NFIB: variants seen among roughly 807,000 people sequenced by gnomAD.
The protein encoded by NFIB is nuclear factor 1 B-type.
In NFIB, 11 loss-of-function variants were observed where a neutral mutation model predicts 61.5. The observed-to-expected ratio is 0.18, with a 90% CI of 0.11 to 0.30. The LOEUF is 0.30. NFIB is among the 10% of genes least tolerant of loss of function. The pLI, the probability that NFIB is intolerant of heterozygous loss-of-function variation, is 1.00. For missense variants in NFIB, 471 were observed against 608.9 expected (o/e 0.77, Z 2.38); for synonymous variants, 260 against 216.5 (o/e 1.20, Z -1.76).
intron 3 of NFIB, among the ~76,000 whole-genome samples, chr9:14,163,653 A>G (rs1354129033): frequency 6.6e-6 from 1 of 152,110 alleles, no homozygotes; most frequent in East Asian, 1.9e-4. Flanking sequence ...TTTATAAAAA[A>G]TAAAGTCACA....
the NFIB span, among the ~76,000 whole-genome samples, chr9:14,529,465 A>G: frequency 1.3e-5 from 2 of 152,188 alleles, no homozygotes; most frequent in Non-Finnish European, 2.9e-5. Flanking sequence ...TGAGAGAAGA[A>G]TCACAATAAA....
At chr9:14,240,651 C>A (rs1027414580) in intron 2 of NFIB, among the ~76,000 whole-genome samples, 10 of 152,106 alleles carry the variant, frequency 6.6e-5, no homozygotes, top group African/African-American at 2.4e-4. Context: ...TAGTAACAGC[C>A]CTATCTCGTT....
chr9:14,505,684 G>A, the NFIB span, among the ~76,000 whole-genome samples: 15 of 152,134 alleles, frequency 9.9e-5, no homozygotes, highest in Non-Finnish European at 2.9e-5. Flanking sequence ...GACTTGGTAG[G>A]GAGAAGGGTG....
intron 3 of NFIB, among the ~76,000 whole-genome samples, chr9:14,162,791 T>A (rs1006963919): frequency 3.9e-5 from 6 of 152,114 alleles, no homozygotes; most frequent in African/African-American, 1.4e-4. Context: ...ATAAATTTTA[T>A]TATATATTTT....
chr9:14,399,788 G>A (rs903027346), upstream of NFIB, among the ~76,000 whole-genome samples: 3 of 152,108 alleles, frequency 2.0e-5, no homozygotes, highest in African/African-American at 7.2e-5. Context: ...ATATCTTCTA[G>A]GTTGTATTGC....
upstream of NFIB, among the ~76,000 whole-genome samples, chr9:14,402,892 TTG>T (rs2061756096): frequency 2.0e-5 from 3 of 152,248 alleles, no homozygotes; most frequent in African/African-American, 7.2e-5. Flanking sequence ...AGCAATTAGC[TTG>T]TCTTTCATCT....
the NFIB span, among the ~76,000 whole-genome samples, chr9:14,502,023 G>T: frequency 1.3e-5 from 2 of 152,182 alleles, no homozygotes; most frequent in African/African-American, 4.8e-5. Flanking sequence ...TGGAAGTTTT[G>T]ATATTAGATA....
At chr9:14,230,411 A>T (rs1401654874) in intron 2 of NFIB, among the ~76,000 whole-genome samples, 3 of 152,184 alleles carry the variant, frequency 2.0e-5, no homozygotes, top group African/African-American at 7.2e-5. Context: ...AAACTTAGAG[A>T]GCAACAGAAA....
At chr9:14,453,944 G>A in the NFIB span, among the ~76,000 whole-genome samples, 8 of 152,138 alleles carry the variant, frequency 5.3e-5, no homozygotes, top group South Asian at 1.0e-3. Context: ...AGCTGGGCAC[G>A]GTGGGCACCT....
the NFIB span, among the ~76,000 whole-genome samples, chr9:14,440,374 G>C: frequency 6.6e-6 from 1 of 152,184 alleles, no homozygotes; most frequent in African/African-American, 2.4e-5. Context: ...ACCAATCGAA[G>C]GGCTCTTTAA....
At chr9:14,516,020 G>A in the NFIB span, among the ~76,000 whole-genome samples, 2 of 152,252 alleles carry the variant, frequency 1.3e-5, no homozygotes, top group Admixed American at 6.5e-5. Flanking sequence ...GTCAGAGGGA[G>A]AAGCCAAAGC....
At chr9:14,197,064 T>C (rs566436742) in intron 2 of NFIB, among the ~76,000 whole-genome samples, 7 of 152,338 alleles carry the variant, frequency 4.6e-5, no homozygotes, top group African/African-American at 1.7e-4. Flanking sequence ...ATGATAAAGA[T>C]AGCAAGAATA....
chr9:14,378,710 T>C (rs921730813), intron 1 of NFIB, among the ~76,000 whole-genome samples: 2 of 152,160 alleles, frequency 1.3e-5, no homozygotes, highest in African/African-American at 4.8e-5. Context: ...TTTGTTTAGG[T>C]GAACAGGCAT....
rs751396666 is a variant in NFIB, at chr9:14,374,939, GAATT to G, written c.108+23581_108+23584del. Reference sequence around the variant, plus strand: ...TAAATAAATAAATAAATAAATAAAGGAATTAATTAAAAACAAAACAAAAAGCAGG... The same window carrying G: ...TAAATAAATAAATAAATAAATAAAGGAATTAAAAACAAAACAAAAAGCAGG... On this transcript the variant is annotated intron_variant, in intron 1 of 8. Transcript: ENST00000380934. Among the ~76,000 whole-genome samples, 77 of 151,660 alleles carry G rather than the reference GAATT, an allele frequency of 5.1e-4. 2 individuals are homozygous for G. The East Asian group carries it at 5.4e-3, about 11-fold the overall frequency.
intron 2 of NFIB, among the ~76,000 whole-genome samples, chr9:14,245,864 C>T (rs185352795): frequency 9.9e-5 from 15 of 152,084 alleles, no homozygotes; most frequent in Admixed American, 3.3e-4. Flanking sequence ...CAGAGCGAGA[C>T]TCTGTCTCGA....
intron 1 of NFIB, among the ~76,000 whole-genome samples, chr9:14,320,252 C>G (rs1310774308): frequency 2.0e-5 from 3 of 152,198 alleles, no homozygotes; most frequent in Non-Finnish European, 4.4e-5. Flanking sequence ...CAATACTTGG[C>G]TTTAAAATTC....
chr9:14,330,188 G>A (rs1275777194), intron 1 of NFIB, among the ~76,000 whole-genome samples: 1 of 152,134 alleles, frequency 6.6e-6, no homozygotes, highest in Non-Finnish European at 1.5e-5. Context: ...ATGCAAGTGA[G>A]GGAGGATGAT....
intron 3 of NFIB, among the ~76,000 whole-genome samples, chr9:14,166,516 A>T (rs1224901314): frequency 1.3e-5 from 2 of 152,206 alleles, no homozygotes; most frequent in Non-Finnish European, 2.9e-5. Flanking sequence ...TTCATCCACG[A>T]AATGTAAAAA....
intron 1 of NFIB, chr9:14,362,668 G>A (rs2061253919): frequency 6.6e-6 from 1 of 152,184 alleles, no homozygotes; most frequent in Admixed American, 6.6e-5. Context: ...GCCGAGGCAG[G>A]GAGGATCTCG....
Sources: allele counts gnomAD v4.1 joint callset (sites outside exome capture counted in the v4.1 genomes callset), GRCh38; gene constraint gnomAD v4.1.1; transcripts MANE v1.5; gene names NCBI Gene and HGNC (gene_info 2026-07-23, HGNC 2026-07-21).